LHX4: variants seen among roughly 807,000 people sequenced by gnomAD.
The protein encoded by LHX4 is LIM homeobox 4.
LHX4 carries 16 observed loss-of-function variants against 39.2 expected under a neutral mutation model. The ratio of observed to expected loss-of-function variants is 0.41; its 90% CI spans 0.28 to 0.62. The LOEUF is 0.62. Ranked by LOEUF, LHX4 falls within the 20% of genes least tolerant of loss-of-function variation. The pLI is 0.33. For synonymous variants in LHX4, 206 were observed against 198.1 expected (o/e 1.04, Z -0.33); for missense variants, 439 against 511.9 (o/e 0.86, Z 1.37).
At chr1:180,230,022 T>C (rs1001605528), upstream of LHX4, among the ~76,000 whole-genome samples, 2 of 91,110 alleles carry the variant, frequency 2.2e-5, no homozygotes, top group African/African-American at 6.0e-5. The surrounding 1 kb of genome is among the most constrained non-coding windows in gnomAD (Gnocchi z 5.8). Flanking sequence ...CCCGCCCCCC[T>C]CCGCCCCGCC....
intron 2 of LHX4, among the ~76,000 whole-genome samples, chr1:180,254,311 G>A (rs907954664): frequency 8.5e-5 from 13 of 152,252 alleles, no homozygotes; most frequent in African/African-American, 3.1e-4. Flanking sequence ...CCGGTAGCGG[G>A]ATGGAGGCCG....
In LHX4 at chr1:180,271,918, C is replaced by T. The variant is rs111822893; in HGVS notation, c.690C>T (p.Ser230=). The change falls in exon 5 of 6, where the codon AGC becomes AGT. Residue 230 remains serine, a synonymous_variant. Transcript: ENST00000263726. ...GRHRWGQFYK[S]VKRSRGSSKQ... ...ACCGCTGGGGGCAGTTCTATAAGAG[C>T]GTCAAGAGGAGCCGGGGCAGCAGCA... The T allele has an allele frequency of 6.5e-4, 1,052 of 1,613,352 alleles. 5 individuals are homozygous for T. The African/African-American group carries it at 0.012, about 19-fold the overall frequency.
chr1:180,234,778 C>T lies in LHX4; in HGVS notation c.76+4173C>T, dbSNP rs1664272226. Among the ~76,000 whole-genome samples the T allele has an allele frequency of 6.6e-6, 1 of 152,208 alleles. No homozygotes were observed. Among genetic ancestry groups the T allele is most frequent in the African/African-American group, 2.4e-5 (1 of 41,458 alleles). ...ACTCAAGTTTATTTCCTCTCTTGGC[C>T]GAGGTCCGGGCTCGTGGAAAACCAG... On this transcript the variant is annotated intron_variant, in intron 1 of 5. Coordinates refer to ENST00000263726, the MANE Select transcript of LHX4 (RefSeq NM_033343.4). The surrounding 1 kb of genome is among the most constrained non-coding windows in gnomAD (Gnocchi z 4.8).
At position 180,275,069 on chromosome 1, in the gene LHX4, A is replaced by C; in HGVS notation, c.*490A>C. On this transcript the variant is annotated 3_prime_UTR_variant, in exon 6 of 6. Coordinates refer to ENST00000263726, the MANE Select transcript of LHX4 (RefSeq NM_033343.4). The stretch of plus-strand genomic sequence containing the variant: ...CTGGACCATCCTTATTGAACCCTAT[A>C]TTTCAAAATGAAAAGATCAGTTATT... The C allele has an allele frequency of 6.5e-6, 1 of 153,524 alleles. No individual in the cohort carries two copies. The allele number at this position is 153,524 out of a possible 1,614,324, so 9.5% of individuals were successfully genotyped here.
intron 2 of LHX4, among the ~76,000 whole-genome samples, chr1:180,263,977 AT>A (rs1457587326): frequency 1.3e-5 from 2 of 152,060 alleles, no homozygotes; most frequent in African/African-American, 2.4e-5. Flanking sequence ...TAATTAATTA[AT>A]TTAGAGACAG....
At chr1:180,260,307 A>C (rs1473504106) in intron 2 of LHX4, among the ~76,000 whole-genome samples, 1 of 151,676 alleles carries the variant, frequency 6.6e-6, no homozygotes, top group Non-Finnish European at 1.5e-5. Context: ...GTCGGAACTT[A>C]CCATCAGGAA....
chr1:180,269,014 G>T (rs1432777381), intron 3 of LHX4, among the ~76,000 whole-genome samples: 1 of 152,058 alleles, frequency 6.6e-6, no homozygotes, highest in Non-Finnish European at 1.5e-5. Flanking sequence ...CGTCTCCCTG[G>T]ATATTTGCAT....
rs893161392 is a variant in LHX4 at position 180,277,115 on chromosome 1, A to G, written c.*2536A>G. 2.2e-4 allele frequency: 33 copies of G among 151,476 alleles called. No individual in the cohort carries two copies. The highest frequency in any genetic ancestry group is 2.1e-3 in the Admixed American group (32 of 15,256). The allele number at this position is 151,476 out of a possible 1,614,324, so 9.4% of individuals were successfully genotyped here. On this transcript the variant is annotated 3_prime_UTR_variant, in exon 6 of 6. Coordinates refer to ENST00000263726, the MANE Select transcript of LHX4 (RefSeq NM_033343.4). ...GTTTTCCAGAGCCACCTCCCCAGAA[A>G]GCAGCAAACACTGCTGCCTGTTTAG...
In LHX4 at chr1:180,230,349, G is replaced by A; in HGVS notation, c.-181G>A. ...AGGGACTGGAAACAGACTGGGGACT[G>A]GCGGGGGGAGGGGGCCGGCCAGCCT... On this transcript the variant is annotated 5_prime_UTR_variant, in exon 1 of 6. An upstream open reading frame in the 5' UTR gains an earlier in-frame stop. Coordinates refer to ENST00000263726, the MANE Select transcript of LHX4 (RefSeq NM_033343.4). The surrounding 1 kb of genome is among the most constrained non-coding windows in gnomAD (Gnocchi z 5.8). 1 of 647,930 alleles carries A rather than the reference G, an allele frequency of 1.5e-6. No homozygotes were observed. Among genetic ancestry groups the A allele is most frequent in the South Asian group, 1.7e-5 (1 of 57,486 alleles). The allele number at this position is 647,930 out of a possible 1,614,324, so 40.1% of individuals were successfully genotyped here. A position where few individuals can be genotyped will look rare whatever the true frequency, so the allele number is the denominator to read the frequency against.
chr1:180,231,083 T>C (rs1320697460), intron 1 of LHX4, among the ~76,000 whole-genome samples: 1 of 152,020 alleles, frequency 6.6e-6, no homozygotes, highest in Non-Finnish European at 1.5e-5. Context: ...GGCCACACTC[T>C]TAGTCCCTGC....
chr1:180,270,902 A>AC, intron 3 of LHX4: 1 of 239,442 alleles, frequency 4.2e-6, no homozygotes, highest in Non-Finnish European at 8.4e-6. Context: ...GAGCCCAGCG[A>AC]CGCCAGGGCA....
chr1:180,248,243 G>T (rs778008251), intron 1 of LHX4, 42 bp from the exon 2 acceptor site: 1 of 1,606,940 alleles, frequency 6.2e-7, no homozygotes, highest in South Asian at 1.1e-5. Context: ...TAGCAGGGCT[G>T]TGTGGAAGGC....
intron 2 of LHX4, among the ~76,000 whole-genome samples, chr1:180,251,301 G>A (rs357072): frequency 0.22 from 33,639 of 152,122 alleles, 5,783 homozygotes; most frequent in African/African-American, 0.48. Context: ...GTGGGCTGCC[G>A]CCTCCACACG....
In LHX4 at chr1:180,265,216, C is replaced by T. The variant is rs563164986; in HGVS notation, c.249-1176C>T. Among the ~76,000 whole-genome samples the T allele has an allele frequency of 9.1e-4, 139 of 152,328 alleles. 1 individual carries two copies. The highest frequency in any genetic ancestry group is 3.2e-3 in the African/African-American group (134 of 41,570). ...AAAAGGACCATTAAAATCAAACCTT[C>T]CCCAGATCCATTAGGCGAAGTCTTT... On this transcript the variant is annotated intron_variant, in intron 2 of 5. Coordinates refer to ENST00000263726, the MANE Select transcript of LHX4 (RefSeq NM_033343.4).
At chr1:180,255,635 G>A (rs1490255493) in intron 2 of LHX4, among the ~76,000 whole-genome samples, 4 of 152,202 alleles carry the variant, frequency 2.6e-5, no homozygotes, top group African/African-American at 7.2e-5. Context: ...CATTTGTGCC[G>A]GCCTGTAATC....
chr1:180,233,925 T>C (rs958211323), intron 1 of LHX4, among the ~76,000 whole-genome samples: 1 of 151,718 alleles, frequency 6.6e-6, no homozygotes, highest in East Asian at 1.9e-4. Flanking sequence ...GTAAAGGTTT[T>C]CCCTGGGACT....
At chr1:180,271,068 G>C in intron 3 of LHX4, 1 of 432,522 alleles carries the variant, frequency 2.3e-6, no homozygotes, top group Non-Finnish European at 4.4e-6. Context: ...GTCATGACAG[G>C]GACGTGTGGA....
rs116030450 is a variant in LHX4, at chr1:180,264,309, C to T, written c.249-2083C>T. ...TGGCTGGGATTGGATATTAAATATA[C>T]AGGCCTTTTGAAAACACTCTCTAGT... On this transcript the variant is annotated intron_variant, in intron 2 of 5. Transcript: ENST00000263726. Among the ~76,000 whole-genome samples the T allele has an allele frequency of 8.2e-3, 1,251 of 152,124 alleles. 18 individuals are homozygous for T. Among genetic ancestry groups the T allele is most frequent in the African/African-American group, 0.029 (1,192 of 41,460 alleles).
In LHX4 at chr1:180,271,153, A is replaced by G. The variant is rs148235710; in HGVS notation, c.452-227A>G. ...GGAGGGTTGAGGCAGGGAGCTGAGC[A>G]GAGAAAGGACTGCTGTCCTCACTTT... is the stretch of plus-strand genomic sequence containing the variant. On this transcript the variant is annotated intron_variant, in intron 3 of 5. Transcript: ENST00000263726. 3.9e-4 allele frequency: 232 copies of G among 601,252 alleles called. 1 individual carries two copies. The highest frequency in any genetic ancestry group is 3.1e-3 in the Middle Eastern group (7 of 2,238). 37.2% of individuals were successfully genotyped at this position (601,252 alleles called of 1,614,324 possible). A position where few individuals can be genotyped will look rare whatever the true frequency, so the allele number is the denominator to read the frequency against.
Sources: allele counts gnomAD v4.1 joint callset (sites outside exome capture counted in the v4.1 genomes callset), GRCh38; gene constraint gnomAD v4.1.1; non-coding constraint Gnocchi (gnomAD v3.1); transcripts MANE v1.5; gene names NCBI Gene and HGNC (gene_info 2026-07-23, HGNC 2026-07-21).